The following SYT1 variants were observed in gnomAD, a reference collection of about 807,000 sequenced individuals.
SYT1 encodes the protein synaptotagmin 1.
In SYT1, 8 loss-of-function variants were observed where a neutral mutation model predicts 44.8. That is an observed-to-expected ratio of 0.18 (90% CI 0.10 to 0.32). SYT1 has a LOEUF of 0.32. SYT1 is among the 10% of genes least tolerant of loss of function. The pLI is 1.00. For missense variants in SYT1, 286 were observed against 509.3 expected (o/e 0.56, Z 4.22); for synonymous variants, 154 against 188.8 (o/e 0.82, Z 1.51).
intron 2 of SYT1, among the ~76,000 whole-genome samples, chr12:78,996,778 T>G (rs1565754817): frequency 6.6e-6 from 1 of 152,038 alleles, no homozygotes; most frequent in African/African-American, 2.4e-5. Context: ...AAATCACAGA[T>G]ATAAAGAACA....
At chr12:79,178,183 C>T (rs185681206) in intron 3 of SYT1, among the ~76,000 whole-genome samples, 2 of 152,066 alleles carry the variant, frequency 1.3e-5, no homozygotes, top group African/African-American at 2.4e-5. Flanking sequence ...TTGCCTGAAT[C>T]ACTTATTATA....
chr12:79,416,168 G>T (rs2136144477), intron 9 of SYT1, among the ~76,000 whole-genome samples: 2 of 152,278 alleles, frequency 1.3e-5, no homozygotes, highest in Middle Eastern at 3.4e-3. Context: ...CCAAGTCTGA[G>T]CTGCTGACAG....
In SYT1 at chr12:79,300,789, T is replaced by TTTTATATATATATATATATATA. The variant is rs1490670835; in HGVS notation, c.810+1239_810+1240insTTATATATATATATATATATAT. Among the ~76,000 whole-genome samples, 217 of 89,506 alleles carry TTTTATATATATATATATATATA rather than the reference T, an allele frequency of 2.4e-3. 4 individuals are homozygous for TTTTATATATATATATATATATA. Among genetic ancestry groups the TTTTATATATATATATATATATA allele is most frequent in the East Asian group, 3.6e-3 (7 of 1,938 alleles). The allele number at this position is 89,506 out of a possible 152,430, so 58.7% of individuals were successfully genotyped here. ...TGTATATAATATTCATGTATACTTA[T>TTTTATATATATATATATATATA]TATATATATATATATATATATATAT... is the stretch of plus-strand genomic sequence containing the variant. On this transcript the variant is annotated intron_variant, in intron 8 of 10. Coordinates refer to ENST00000261205, the MANE Select transcript of SYT1 (RefSeq NM_005639.3).
intron 3 of SYT1, among the ~76,000 whole-genome samples, chr12:79,199,234 G>C (rs1015761112): frequency 2.0e-5 from 3 of 152,068 alleles, no homozygotes; most frequent in African/African-American, 7.2e-5. Context: ...CTTCTACAAA[G>C]TGCATCTTAA....
chr12:79,057,721 G>T (rs1456989229), intron 3 of SYT1, among the ~76,000 whole-genome samples: 1 of 151,884 alleles, frequency 6.6e-6, no homozygotes, highest in Non-Finnish European at 1.5e-5. Context: ...GTGTCCAAGG[G>T]AGAGAGTACA....
rs571384511 is a variant in SYT1, at chr12:79,146,644, G to GT, written c.-17-70858dup. Reference sequence around the variant, plus strand: ...GACATTAATAATTAAACAAAAAGGAGTGTCTGTACTTCAACAATTCTGGAA... The same window carrying GT: ...GACATTAATAATTAAACAAAAAGGAGTTGTCTGTACTTCAACAATTCTGGAA... On this transcript the variant is annotated intron_variant, in intron 3 of 10. Transcript: ENST00000261205. 2.4e-4 allele frequency among the ~76,000 whole-genome samples: 36 copies of GT among 152,210 alleles called. No homozygotes were observed. The East Asian group carries it at 6.8e-3, about 29-fold the overall frequency.
chr12:79,340,172 T>C (rs1019210304), intron 8 of SYT1, among the ~76,000 whole-genome samples: 18 of 152,196 alleles, frequency 1.2e-4, no homozygotes, highest in African/African-American at 4.1e-4. Context: ...TGGTTCCATA[T>C]GAACTTTAAA....
At chr12:79,337,840 A>G (rs771099030) in intron 8 of SYT1, among the ~76,000 whole-genome samples, 1 of 152,222 alleles carries the variant, frequency 6.6e-6, no homozygotes, top group African/African-American at 2.4e-5. Context: ...ATTACTTGGT[A>G]TCCACACTTA....
intron 8 of SYT1, among the ~76,000 whole-genome samples, chr12:79,339,588 G>C (rs1187648155): frequency 3.3e-5 from 5 of 152,112 alleles, no homozygotes; most frequent in African/African-American, 9.7e-5. Flanking sequence ...CAGATGGGTA[G>C]ATTGCAAAAA....
chr12:79,216,702 TAAAC>T (rs1216321855), intron 3 of SYT1, among the ~76,000 whole-genome samples: 1 of 152,058 alleles, frequency 6.6e-6, no homozygotes, highest in African/African-American at 2.4e-5. Flanking sequence ...ATTTTGGAGG[TAAAC>T]AAATACTTAA....
At chr12:79,111,751 T>G (rs1467303068) in intron 3 of SYT1, among the ~76,000 whole-genome samples, 1 of 150,706 alleles carries the variant, frequency 6.6e-6, no homozygotes, top group Non-Finnish European at 1.5e-5. Context: ...AAAAAAAAAC[T>G]GAGACTCAAA....
chr12:79,423,628 G>T (rs1262459340), intron 9 of SYT1, among the ~76,000 whole-genome samples: 1 of 152,070 alleles, frequency 6.6e-6, no homozygotes, highest in Admixed American at 6.6e-5. Context: ...CTTAAACTGT[G>T]GAATAGTTCT....
intron 2 of SYT1, among the ~76,000 whole-genome samples, chr12:79,031,445 T>G (rs972526424): frequency 2.0e-5 from 3 of 151,128 alleles, no homozygotes; most frequent in Non-Finnish European, 3.0e-5. Context: ...ATGAACAATG[T>G]ACAACACAGA....
At chr12:79,219,421 T>C (rs1328328274) in intron 4 of SYT1, among the ~76,000 whole-genome samples, 1 of 152,140 alleles carries the variant, frequency 6.6e-6, no homozygotes, top group Non-Finnish European at 1.5e-5. Flanking sequence ...AAAAAGTTAT[T>C]GTCAAGACCA....
intron 1 of SYT1, among the ~76,000 whole-genome samples, chr12:78,969,092 T>G (rs993405769): frequency 7.9e-5 from 12 of 152,194 alleles, no homozygotes; most frequent in Admixed American, 7.9e-4. Context: ...ATGTAGAGAC[T>G]TTTTCATGTT....
intron 9 of SYT1, among the ~76,000 whole-genome samples, chr12:79,422,907 C>T (rs548387780): frequency 6.6e-6 from 1 of 152,142 alleles, no homozygotes; most frequent in African/African-American, 2.4e-5. Flanking sequence ...AGTTTATATG[C>T]AATGTGGTAT....
chr12:78,934,117 CATATGTGTGTGTAT>C (rs749391334), intron 1 of SYT1, among the ~76,000 whole-genome samples: 5 of 151,366 alleles, frequency 3.3e-5, no homozygotes, highest in South Asian at 2.1e-4. Context: ...TGTGTATATA[CATATGTGTGTGTAT>C]ATATGTGTGT....
At chr12:79,122,374 C>A (rs1312801963) in intron 3 of SYT1, among the ~76,000 whole-genome samples, 1 of 149,858 alleles carries the variant, frequency 6.7e-6, no homozygotes, top group African/African-American at 2.5e-5. Flanking sequence ...ATTAGCCGGG[C>A]GTGGTAGCGG....
intron 2 of SYT1, among the ~76,000 whole-genome samples, chr12:79,024,185 T>C (rs1050787616): frequency 6.6e-6 from 1 of 151,622 alleles, no homozygotes; most frequent in African/African-American, 2.4e-5. Flanking sequence ...GGGCTGGAAA[T>C]AGAATAGAAT....
Sources: allele counts gnomAD v4.1 joint callset (sites outside exome capture counted in the v4.1 genomes callset), GRCh38; gene constraint gnomAD v4.1.1; transcripts MANE v1.5; gene names NCBI Gene and HGNC (gene_info 2026-07-23, HGNC 2026-07-21).